The following RBFOX1 variants were observed in gnomAD, a reference collection of about 807,000 sequenced individuals.
RBFOX1 encodes the protein RNA binding fox-1 homolog 1.
In RBFOX1, 8 loss-of-function variants were observed where a neutral mutation model predicts 57.7. The ratio of observed to expected loss-of-function variants is 0.14; its 90% CI spans 0.08 to 0.25. The LOEUF (loss-of-function observed/expected upper bound fraction) is 0.25, where lower values mean the gene tolerates loss of function less well. Among genes scored for constraint, RBFOX1 ranks in the 10% least tolerant of loss-of-function variants. The pLI is 1.00. For synonymous variants in RBFOX1, 326 were observed against 222.4 expected, an observed-to-expected ratio of 1.47 and a Z score of -4.15; for missense variants, 611 against 548.5, an observed-to-expected ratio of 1.11 and a Z score of -1.14.
intron 3 of RBFOX1, among the ~76,000 whole-genome samples, chr16:6,737,702 C>A (rs1390260656): frequency 6.6e-6 from 1 of 152,000 alleles, no homozygotes; most frequent in African/African-American, 2.4e-5. Flanking sequence ...TGTCCCAGAG[C>A]CTTAGGTTGG....
chr16:7,263,390 T>C (rs1463306618), intron 4 of RBFOX1, among the ~76,000 whole-genome samples: 3 of 152,084 alleles, frequency 2.0e-5, no homozygotes, highest in African/African-American at 7.2e-5. Context: ...CTAGAAGACA[T>C]TGATTCTCAA....
rs116231109 is a variant in RBFOX1 at position 7,294,126 on chromosome 16, G to C, written c.28-224021G>C. Among the ~76,000 whole-genome samples, 665 of 152,204 alleles carry C rather than the reference G, an allele frequency of 4.4e-3. 2 individuals carry two copies. The highest frequency in any genetic ancestry group is 0.015 in the African/African-American group (630 of 41,512). ...TTTGCTTGAGTTTAATCCAGAAGTC[G>C]AAACACAGAGAGTGGGTGGGGTGGA... On this transcript the variant is annotated intron_variant, in intron 4 of 15. Transcript: ENST00000550418.
intron 3 of RBFOX1, among the ~76,000 whole-genome samples, chr16:6,809,374 A>C (rs1212975739): frequency 3.3e-5 from 5 of 152,300 alleles, no homozygotes; most frequent in Non-Finnish European, 5.9e-5. Context: ...ACTGTGCCAG[A>C]CACTTTCTAA....
chr16:7,358,049 C>T (rs1345303449), intron 4 of RBFOX1, among the ~76,000 whole-genome samples: 1 of 152,178 alleles, frequency 6.6e-6, no homozygotes, highest in African/African-American at 2.4e-5. Flanking sequence ...TCGAACCAGC[C>T]TTGTAGAAGC....
chr16:6,537,202 A>T (rs74985479), intron 2 of RBFOX1, among the ~76,000 whole-genome samples: 1 of 152,098 alleles, frequency 6.6e-6, no homozygotes, highest in Admixed American at 6.6e-5. Context: ...GTGGAGCCTG[A>T]GATTCGGCAC....
At chr16:6,590,711 G>T (rs947721333) in intron 2 of RBFOX1, among the ~76,000 whole-genome samples, 5 of 152,134 alleles carry the variant, frequency 3.3e-5, no homozygotes, top group Non-Finnish European at 7.3e-5. Context: ...ATGGGAGGAG[G>T]GTTCGTATTG....
intron 2 of RBFOX1, among the ~76,000 whole-genome samples, chr16:6,341,634 CA>C (rs1405926486): frequency 6.6e-6 from 1 of 151,518 alleles, no homozygotes; most frequent in Non-Finnish European, 1.5e-5. Context: ...GATAGTAAAG[CA>C]CATCTTCCCA....
intron 2 of RBFOX1, among the ~76,000 whole-genome samples, chr16:6,424,620 C>CGTGTGTGTGTGTGTGT (rs143990992): frequency 0.46 from 68,939 of 150,354 alleles, 15,830 homozygotes; most frequent in South Asian, 0.5. Flanking sequence ...TGTGTGTGTG[C>CGTGTGTGTGTGTGTGT]GTGTGTGTGA....
chr16:7,398,741 C>G (rs1040835563), intron 4 of RBFOX1, among the ~76,000 whole-genome samples: 12 of 152,196 alleles, frequency 7.9e-5, no homozygotes, highest in African/African-American at 2.9e-4. Flanking sequence ...TACAGTCTGA[C>G]TACAAATCCC....
At chr16:6,852,260 T>C (rs1332396756) in intron 3 of RBFOX1, among the ~76,000 whole-genome samples, 2 of 152,154 alleles carry the variant, frequency 1.3e-5, no homozygotes, top group African/African-American at 4.8e-5. Context: ...TCTCTGCCTC[T>C]GTGTTCTTGC....
intron 4 of RBFOX1, among the ~76,000 whole-genome samples, chr16:7,240,124 G>A (rs149272849): frequency 0.055 from 8,398 of 151,984 alleles, 626 homozygotes; most frequent in African/African-American, 0.17. Context: ...CCGCCACCAC[G>A]CCTGGCTAAT....
At chr16:7,259,978 A>G (rs1220502447) in intron 4 of RBFOX1, among the ~76,000 whole-genome samples, 1 of 152,122 alleles carries the variant, frequency 6.6e-6, no homozygotes, top group Non-Finnish European at 1.5e-5. Context: ...TTCAGGCTCA[A>G]GTAGTTGATC....
chr16:7,069,418 G>C (rs1478825355), intron 4 of RBFOX1, among the ~76,000 whole-genome samples: 1 of 152,100 alleles, frequency 6.6e-6, no homozygotes, highest in Non-Finnish European at 1.5e-5. Context: ...TCGTTGTTCA[G>C]CTCCTACTTA....
At chr16:7,653,532 T>C (rs1347908386) in intron 11 of RBFOX1, among the ~76,000 whole-genome samples, 1 of 152,174 alleles carries the variant, frequency 6.6e-6, no homozygotes. Flanking sequence ...TAAATACTCA[T>C]GCAGTGAGCT....
Position 6,720,882 on chromosome 16 carries a change from C to T in RBFOX1, c.-16+66232C>T, listed in dbSNP as rs111801345. Among the ~76,000 whole-genome samples the T allele has an allele frequency of 3.5e-3, 532 of 152,244 alleles. 4 individuals carry two copies. The highest frequency in any genetic ancestry group is 0.012 in the African/African-American group (480 of 41,546). ...ATTCATTCCCTCTCTTTGCACAATCCATCCATTTTACCTTAACATGATGCT... is the reference window on the plus strand; with the variant it reads ...ATTCATTCCCTCTCTTTGCACAATCTATCCATTTTACCTTAACATGATGCT... On this transcript the variant is annotated intron_variant, in intron 3 of 15. Coordinates refer to ENST00000550418, the MANE Select transcript of RBFOX1 (RefSeq NM_018723.4).
At chr16:7,034,652 CAGA>C (rs2043760877) in intron 3 of RBFOX1, among the ~76,000 whole-genome samples, 1 of 151,630 alleles carries the variant, frequency 6.6e-6, no homozygotes, top group Non-Finnish European at 1.5e-5. Flanking sequence ...GTGAGGCTAG[CAGA>C]GGGCCCTCTT....
chr16:7,550,687 C>T (rs1368343409), intron 5 of RBFOX1, among the ~76,000 whole-genome samples: 1 of 152,042 alleles, frequency 6.6e-6, no homozygotes, highest in Non-Finnish European at 1.5e-5. Context: ...GACGAATATG[C>T]ACCATGTCTC....
At chr16:7,510,083 G>T in intron 4 of RBFOX1, 1 of 956,440 alleles carries the variant, frequency 1.0e-6, no homozygotes, top group Non-Finnish European at 1.2e-6. Context: ...GGCCTTCCTG[G>T]CAGAAAAAGT....
chr16:5,779,455 C>T (rs939962321), intron 3 of RBFOX1, among the ~76,000 whole-genome samples: 1 of 152,162 alleles, frequency 6.6e-6, no homozygotes, highest in Non-Finnish European at 1.5e-5. Flanking sequence ...TTTCTGACTG[C>T]ATTATATTAC....
Sources: gnomAD v4.1 joint callset for allele counts (sites outside exome capture counted in the v4.1 genomes callset) on GRCh38, gnomAD v4.1.1 for gene constraint, MANE v1.5 for transcripts, NCBI Gene and HGNC (gene_info 2026-07-23, HGNC 2026-07-21) for gene names.